Variants in RNF207 observed in about 807,000 individuals in gnomAD.
The protein encoded by RNF207 is OTTHUMG00000001089.
Under a neutral mutation model 79.0 loss-of-function variants are expected in RNF207, and 72 were observed. The ratio of observed to expected loss-of-function variants is 0.91; its 90% confidence interval spans 0.75 to 1.11. RNF207 has a LOEUF of 1.11. Ranked by LOEUF, RNF207 falls within the 50% of genes least tolerant of loss-of-function variation. The pLI is 0.00. For synonymous variants in RNF207, 348 were observed against 366.2 expected, an observed-to-expected ratio of 0.95 and a Z score of 0.57; for missense variants, 936 against 855.8, an observed-to-expected ratio of 1.09 and a Z score of -1.17.
At position 6,211,129 on chromosome 1, in the gene RNF207, A is replaced by G. The variant is rs138027350; in HGVS notation, c.1109+11A>G. On this transcript the variant is annotated intron_variant, in intron 12 of 17. Transcript: ENST00000377939. The surrounding 1 kb of genome is among the most constrained non-coding windows in gnomAD (Gnocchi z 4.2). ...AAGTGGTGCTAACACGTGAGCAGCA[A>G]CCGGGGAGGCCAGGCACAAGGTCCC... The G allele has an allele frequency of 7.0e-4, 1,094 of 1,561,762 alleles. 8 individuals carry two copies. In the African/African-American group the frequency reaches 0.012, roughly 18 times the overall value.
At position 6,207,358 on chromosome 1, in the gene RNF207, G is replaced by A. The variant is rs764115567; in HGVS notation, c.192-21G>A. ...CCTGGGGAAGGGGTATCAGAATCTC[G>A]GGGCCTGGGCTTCTCTGCAGACACC... On this transcript the variant is annotated intron_variant, in intron 2 of 17. Coordinates refer to ENST00000377939, the MANE Select transcript of RNF207 (RefSeq NM_207396.3). This position sits in a 1 kb window ranked among gnomAD's most constrained non-coding sequence, Gnocchi z 4.5. The A allele has an allele frequency of 6.0e-6, 9 of 1,500,208 alleles. No homozygotes were observed. The South Asian group carries it at 6.9e-5, about 11-fold the overall frequency. 92.9% of individuals were successfully genotyped at this position (1,500,208 alleles called of 1,614,324 possible).
chr1:6,209,086 G>T, intron 4 of RNF207, 29 bp from the exon 5 acceptor site: 1 of 1,547,674 alleles, frequency 6.5e-7, no homozygotes. Context: ...ACTGACCGGA[G>T]CCCTCACCAC....
In RNF207 at chr1:6,217,418, C is replaced by T. The variant is rs1360140552; in HGVS notation, c.1653-871C>T. On this transcript the variant is annotated intron_variant, in intron 16 of 17. Coordinates refer to ENST00000377939, the MANE Select transcript of RNF207 (RefSeq NM_207396.3). The surrounding 1 kb of genome is among the most constrained non-coding windows in gnomAD (Gnocchi z 4.2). ...CCCCAGCTCCCGCTCCAGCACAGTG[C>T]TTACCAGAGCTCCAGACTCATCTCC... Among the ~76,000 whole-genome samples the T allele has an allele frequency of 1.3e-5, 2 of 152,196 alleles. No homozygotes were observed. The highest frequency in any genetic ancestry group is 4.8e-5 in the African/African-American group (2 of 41,452).
chr1:6,209,960 G>A lies in RNF207; in HGVS notation c.790G>A (p.Ala264Thr), dbSNP rs868384786. The change falls in exon 8 of 18, where the codon GCT (alanine) becomes ACT (threonine). Residue 264 changes from alanine (A) to threonine (T), a missense_variant. Coordinates refer to ENST00000377939, the MANE Select transcript of RNF207 (RefSeq NM_207396.3). ...LAERKALLLQAVQSQYEEKDK... is the reference protein window; with the variant it reads ...LAERKALLLQTVQSQYEEKDK... ...AGAGAGGAAAGCGCTGCTGCTGCAG[G>A]CTGTGCAGAGGTGAGTTGGGGGGAG... 6.3e-7 allele frequency: 1 copy of A among 1,592,422 alleles called. No individual in the cohort carries two copies. Among genetic ancestry groups the A allele is most frequent in the Middle Eastern group, 1.7e-4 (1 of 5,932 alleles).
chr1:6,212,976 C>T lies in RNF207; in HGVS notation c.1535-90C>T. 2.7e-5 allele frequency: 24 copies of T among 898,970 alleles called. No individual in the cohort carries two copies. In the South Asian group the frequency reaches 3.3e-4, roughly 12 times the overall value. 55.7% of individuals were successfully genotyped at this position (898,970 alleles called of 1,614,324 possible). A position where few individuals can be genotyped will look rare whatever the true frequency, so the allele number is the denominator to read the frequency against. ...AATTAGAGGTCATCATGGAAATGGT[C>T]GGGATATTTACGTGGTGCCTGGCTT... On this transcript the variant is annotated intron_variant, in intron 15 of 17. Coordinates refer to ENST00000377939, the MANE Select transcript of RNF207 (RefSeq NM_207396.3).
chr1:6,209,352 AGG>A lies in RNF207; in HGVS notation c.627+12_627+13del. 6.5e-7 allele frequency: 1 copy of A among 1,539,602 alleles called. No individual in the cohort carries two copies. The highest frequency in any genetic ancestry group is 8.7e-7 in the Non-Finnish European group (1 of 1,144,946). The stretch of plus-strand genomic sequence containing the variant: ...TGGAGCAGGCGGTGCTGGTGAGCGC[AGG>A]GGCCTGGCGCGCGGGGCCGCGCGGC... On this transcript the variant is annotated intron_variant, in intron 6 of 17. Coordinates refer to ENST00000377939, the MANE Select transcript of RNF207 (RefSeq NM_207396.3).
At position 6,209,922 on chromosome 1, in the gene RNF207, A is replaced by G. The variant is rs1356156535; in HGVS notation, c.754-2A>G. On this transcript the variant is annotated splice_acceptor_variant, in intron 7 of 17. Transcript: ENST00000377939. LOFTEE classifies it high-confidence loss of function. ...CAAGAGCATGCTCGCCATCTCTCCC[A>G]GGACAGGCTGGCAGAGAGGAAAGCG... is the stretch of plus-strand genomic sequence containing the variant. 3 of 1,588,120 alleles carry G rather than the reference A, an allele frequency of 1.9e-6. No homozygotes were observed. The highest frequency in any genetic ancestry group is 2.6e-6 in the Non-Finnish European group (3 of 1,167,592).
At chr1:6,206,751 AC>A (rs1199245864) in intron 2 of RNF207, 25 bp downstream of exon 2, 4 of 1,580,240 alleles carry the variant, frequency 2.5e-6, no homozygotes, top group Non-Finnish European at 3.4e-6. Context: ...GTTCCCCAAA[AC>A]CCCCCAGACC....
chr1:6,208,716 TG>T (rs1571200603), intron 3 of RNF207, 164 bp from the exon 4 acceptor site: 3 of 648,572 alleles, frequency 4.6e-6, no homozygotes, highest in Non-Finnish European at 7.6e-6. Flanking sequence ...CTCTGTAAAG[TG>T]GGTATATCAG....
intron 14 of RNF207, 39 bp downstream of exon 14, chr1:6,212,455 CA>C: frequency 6.4e-7 from 1 of 1,555,944 alleles, no homozygotes; most frequent in Non-Finnish European, 8.8e-7. Flanking sequence ...CCCCACCTGT[CA>C]GGGGATACCT....
In RNF207 at chr1:6,219,387, T is replaced by A. The variant is rs778017332; in HGVS notation, c.1885T>A (p.Trp629Arg). 34 of 1,607,980 alleles carry A rather than the reference T, an allele frequency of 2.1e-5. No homozygotes were observed. Among genetic ancestry groups the A allele is most frequent in the Non-Finnish European group, 2.8e-5 (33 of 1,177,506 alleles). ...GAAAAATGGGGGCGATGTCCCCACA[T>A]GGAGGGAACACCCGACTTAGCAAAT... ...KQKNGGDVPT[W>R]REHPT Residue 629 changes from tryptophan (W) to arginine (R), a missense_variant, in exon 18 of 18, where the codon TGG (tryptophan) becomes AGG (arginine). Coordinates refer to ENST00000377939, the MANE Select transcript of RNF207 (RefSeq NM_207396.3).
chr1:6,211,758 TG>T lies in RNF207; in HGVS notation c.1110-107del. The stretch of plus-strand genomic sequence containing the variant: ...CCTGGTGGCTCTGCTGTGCTCCAGG[TG>T]GTGGAGAGGGCTGTGAGATCCCGGA... On this transcript the variant is annotated intron_variant, in intron 12 of 17. Coordinates refer to ENST00000377939, the MANE Select transcript of RNF207 (RefSeq NM_207396.3). The surrounding 1 kb of genome is among the most constrained non-coding windows in gnomAD (Gnocchi z 4.2). The T allele has an allele frequency of 1.4e-6, 1 of 720,334 alleles. No homozygotes were observed. Among genetic ancestry groups the T allele is most frequent in the Non-Finnish European group, 2.3e-6 (1 of 435,240 alleles). The allele number at this position is 720,334 out of a possible 1,614,324, so 44.6% of individuals were successfully genotyped here.
At position 6,211,160 on chromosome 1, in the gene RNF207, C is replaced by A. The variant is rs1372124554; in HGVS notation, c.1109+42C>A. Reference sequence around the variant, plus strand: ...GAGGCCAGGCACAAGGTCCCCAACACTGGGGTGTGGGGGAGGGTGGGCGCT... The same window carrying A: ...GAGGCCAGGCACAAGGTCCCCAACAATGGGGTGTGGGGGAGGGTGGGCGCT... On this transcript the variant is annotated intron_variant, in intron 12 of 17. Transcript: ENST00000377939. This position sits in a 1 kb window ranked among gnomAD's most constrained non-coding sequence, Gnocchi z 4.2. 4 of 1,404,586 alleles carry A rather than the reference C, an allele frequency of 2.8e-6. No homozygotes were observed. The Admixed American group carries it at 7.9e-5, about 28-fold the overall frequency. The allele number at this position is 1,404,586 out of a possible 1,614,324, so 87.0% of individuals were successfully genotyped here. A position where few individuals can be genotyped will look rare whatever the true frequency, so the allele number is the denominator to read the frequency against.
intron 3 of RNF207, chr1:6,208,276 G>T (rs527989636): frequency 1.3e-5 from 2 of 152,742 alleles, no homozygotes; most frequent in Admixed American, 6.4e-5. Flanking sequence ...TGTGCCAAGG[G>T]GGCCGTGAGA....
chr1:6,219,620 G>A lies in RNF207; in HGVS notation c.*213G>A. 3.3e-6 allele frequency: 1 copy of A among 306,918 alleles called. No individual in the cohort carries two copies. Among genetic ancestry groups the A allele is most frequent in the Non-Finnish European group, 6.1e-6 (1 of 162,782 alleles). The allele number at this position is 306,918 out of a possible 1,614,324, so 19.0% of individuals were successfully genotyped here. On this transcript the variant is annotated 3_prime_UTR_variant, in exon 18 of 18. Transcript: ENST00000377939. Reference sequence around the variant, plus strand: ...CGATTCTCCTGCCTCAGCCTCCCGAGTAGCTGGGATTACAGGCGCCTGACA... The same window carrying A: ...CGATTCTCCTGCCTCAGCCTCCCGAATAGCTGGGATTACAGGCGCCTGACA...
Position 6,213,103 on chromosome 1 carries a change from T to C in RNF207, c.1572T>C (p.Asn524=), listed in dbSNP as rs771555196. ...LHDLLQLRQE[N]AYLTTITKQI... Reference sequence around the variant, plus strand: ...ACCTTCTCCAGCTGAGGCAGGAGAATGCCTACCTGACCACCATCACCAAGC... The same window carrying C: ...ACCTTCTCCAGCTGAGGCAGGAGAACGCCTACCTGACCACCATCACCAAGC... The change falls in exon 16 of 18, where the codon AAT becomes AAC. Residue 524 remains asparagine, a synonymous_variant. Coordinates refer to ENST00000377939, the MANE Select transcript of RNF207 (RefSeq NM_207396.3). 3.7e-5 allele frequency: 60 copies of C among 1,613,522 alleles called. No individual in the cohort carries two copies. Among genetic ancestry groups the C allele is most frequent in the Non-Finnish European group, 4.7e-5 (55 of 1,179,834 alleles).
At chr1:6,206,326 G>C (rs1667896009) in intron 1 of RNF207, 24 bp downstream of exon 1, 1 of 559,744 alleles carries the variant, frequency 1.8e-6, no homozygotes, top group African/African-American at 2.0e-5. Context: ...CCCGCCCCTC[G>C]CCAGTCCTCA....
Position 6,207,426 on chromosome 1 carries a change from G to C in RNF207, c.239G>C (p.Arg80Pro). 3 of 1,554,780 alleles carry C rather than the reference G, an allele frequency of 1.9e-6. No individual in the cohort carries two copies. Among genetic ancestry groups the C allele is most frequent in the Non-Finnish European group, 2.6e-6 (3 of 1,147,954 alleles). ...KGPSGLPPVDRLLQFLVDSSG... is the reference protein window; with the variant it reads ...KGPSGLPPVDPLLQFLVDSSG... Reference sequence around the variant, plus strand: ...CCCAGCGGGCTCCCGCCGGTGGACCGGCTGCTGCAGTTCCTGGTGGACAGC... The same window carrying C: ...CCCAGCGGGCTCCCGCCGGTGGACCCGCTGCTGCAGTTCCTGGTGGACAGC... The change falls in exon 3 of 18, where the codon CGG (arginine) becomes CCG (proline). Residue 80 changes from arginine to proline, a missense_variant. Transcript: ENST00000377939. This position sits in a 1 kb window ranked among gnomAD's most constrained non-coding sequence, Gnocchi z 4.5.
rs987342053 is a variant in RNF207 at position 6,208,979 on chromosome 1, C to T, written c.423C>T (p.Asp141=). The change falls in exon 4 of 18, where the codon GAC becomes GAT. Residue 141 remains aspartate, a synonymous_variant. Coordinates refer to ENST00000377939, the MANE Select transcript of RNF207 (RefSeq NM_207396.3). ...GAGCACGCATGTTCGCGCGCCACGA[C>T]ATCGTGGCCCTGGGTCAGCGAAGCC... ...THRARMFARH[D]IVALGQRSRD... The T allele has an allele frequency of 3.9e-6, 6 of 1,537,490 alleles. No homozygotes were observed. Among genetic ancestry groups the T allele is most frequent in the South Asian group, 1.2e-5 (1 of 84,010 alleles).
Sources: gnomAD v4.1 joint callset for allele counts (sites outside exome capture counted in the v4.1 genomes callset) on GRCh38, gnomAD v4.1.1 for gene constraint, Gnocchi (gnomAD v3.1) non-coding constraint, MANE v1.5 for transcripts, NCBI Gene and HGNC (gene_info 2026-07-23, HGNC 2026-07-21) for gene names.